TCERG1L: variants seen among roughly 807,000 people sequenced by gnomAD.
TCERG1L encodes the protein transcription elongation regulator 1-like protein.
TCERG1L carries 37 observed loss-of-function variants against 56.3 expected under a neutral mutation model. That is an observed-to-expected ratio of 0.66 (90% CI 0.51 to 0.87). The LOEUF (loss-of-function observed/expected upper bound fraction) is 0.87, where lower values mean the gene tolerates loss of function less well. Among genes scored for constraint, TCERG1L ranks in the 40% least tolerant of loss-of-function variants. TCERG1L has a pLI of 0.00. For synonymous variants in TCERG1L, 324 were observed against 326.3 expected (o/e 0.99, Z 0.08); for missense variants, 799 against 774.2 (o/e 1.03, Z -0.38).
At chr10:131,259,442 G>A (rs1846210175) in intron 4 of TCERG1L, among the ~76,000 whole-genome samples, 1 of 152,170 alleles carries the variant, frequency 6.6e-6, no homozygotes, top group Non-Finnish European at 1.5e-5. Flanking sequence ...AGTTGGCACT[G>A]TCATTCCAAA....
rs531819522 is a variant in TCERG1L at position 131,106,835 on chromosome 10, A to G, written c.1396-2481T>C. Among the ~76,000 whole-genome samples, 9 of 152,328 alleles carry G rather than the reference A, an allele frequency of 5.9e-5. No individual in the cohort carries two copies. In the South Asian group the frequency reaches 1.7e-3, roughly 28 times the overall value. Reference sequence around the variant, plus strand: ...ACATGCTTTATTTGTATATTATAAGAGATGAATTTTCTTCACTGGCAATTT... The same window carrying G: ...ACATGCTTTATTTGTATATTATAAGGGATGAATTTTCTTCACTGGCAATTT... On this transcript the variant is annotated intron_variant, in intron 9 of 11. Transcript: ENST00000368642.
In TCERG1L at chr10:131,267,303, G is replaced by T. The variant is rs1846297597; in HGVS notation, c.671-6859C>A. Among the ~76,000 whole-genome samples the T allele has an allele frequency of 2.0e-5, 3 of 152,196 alleles. No individual in the cohort carries two copies. Among genetic ancestry groups the T allele is most frequent in the African/African-American group, 7.2e-5 (3 of 41,454 alleles). On this transcript the variant is annotated intron_variant, in intron 3 of 11. Coordinates refer to ENST00000368642, the MANE Select transcript of TCERG1L (RefSeq NM_174937.4). This position sits in a 1 kb window ranked among gnomAD's most constrained non-coding sequence, Gnocchi z 4.9. ...TGGACTGCAACAGCACCCAGGCTTG[G>T]CCCCAACCCTACTCTAGGATCGGAG...
chr10:131,101,254 G>A (rs1442959659), intron 10 of TCERG1L, among the ~76,000 whole-genome samples: 1 of 152,210 alleles, frequency 6.6e-6, no homozygotes, highest in Non-Finnish European at 1.5e-5. Flanking sequence ...GACATCAGGG[G>A]ACCAGCGCTG....
At chr10:131,242,517 C>T (rs2133522565) in intron 4 of TCERG1L, among the ~76,000 whole-genome samples, 2 of 152,276 alleles carry the variant, frequency 1.3e-5, no homozygotes, top group Middle Eastern at 6.8e-3. Flanking sequence ...ATCACGGCAC[C>T]AGCGACTTTC....
chr10:131,114,592 A>G (rs1258925209), intron 9 of TCERG1L, among the ~76,000 whole-genome samples: 3 of 152,110 alleles, frequency 2.0e-5, no homozygotes, highest in Non-Finnish European at 4.4e-5. Context: ...ACCCACCCTA[A>G]ACGGGGTAAA....
rs1047367105 is a variant in TCERG1L, at chr10:131,311,075, G to A, written c.342+219C>T. 6.6e-6 allele frequency among the ~76,000 whole-genome samples: 1 copy of A among 152,116 alleles called. No individual in the cohort carries two copies. The highest frequency in any genetic ancestry group is 6.5e-5 in the Admixed American group (1 of 15,282). On this transcript the variant is annotated intron_variant, in intron 1 of 11. Transcript: ENST00000368642. The surrounding 1 kb of genome is among the most constrained non-coding windows in gnomAD (Gnocchi z 4.0). ...CCTCCACGGCTCCGTCCAGACACCC[G>A]GAGGCACCTGCCAAAGCTGCGGAGG...
chr10:131,203,258 G>C (rs561068455), intron 4 of TCERG1L, among the ~76,000 whole-genome samples: 1 of 139,268 alleles, frequency 7.2e-6, no homozygotes, highest in East Asian at 2.4e-4. Flanking sequence ...CCTCACTTAA[G>C]ACTTCCAGTA....
At chr10:131,227,216 G>A (rs1427365129) in intron 4 of TCERG1L, among the ~76,000 whole-genome samples, 1 of 152,232 alleles carries the variant, frequency 6.6e-6, no homozygotes, top group Admixed American at 6.5e-5. Flanking sequence ...AGGGCTGGCC[G>A]AAGCCCAACC....
intron 8 of TCERG1L, among the ~76,000 whole-genome samples, chr10:131,131,244 C>A (rs1018170344): frequency 1.3e-5 from 2 of 152,106 alleles, no homozygotes; most frequent in African/African-American, 4.8e-5. Flanking sequence ...TCAGCAGAGA[C>A]CACCACCCTG....
At chr10:131,264,802 A>T (rs1177781241) in intron 3 of TCERG1L, among the ~76,000 whole-genome samples, 1 of 152,190 alleles carries the variant, frequency 6.6e-6, no homozygotes. Flanking sequence ...CTCAGTTCCC[A>T]GGGAATTCCC....
chr10:131,189,804 C>T (rs1845286021), intron 4 of TCERG1L, among the ~76,000 whole-genome samples: 1 of 152,124 alleles, frequency 6.6e-6, no homozygotes, highest in Admixed American at 6.5e-5. Flanking sequence ...CAACAGCATA[C>T]AAGAGTTCCT....
At chr10:131,245,189 C>G (rs1179249957) in intron 4 of TCERG1L, among the ~76,000 whole-genome samples, 1 of 152,192 alleles carries the variant, frequency 6.6e-6, no homozygotes, top group Non-Finnish European at 1.5e-5. Flanking sequence ...GTGTGCAGAG[C>G]AGGGCACTGT....
intron 7 of TCERG1L, among the ~76,000 whole-genome samples, chr10:131,141,777 T>C (rs1589726647): frequency 2.0e-5 from 3 of 152,154 alleles, no homozygotes; most frequent in Admixed American, 2.0e-4. Context: ...TTCTAGCATC[T>C]CTCTTTCTCC....
intron 4 of TCERG1L, among the ~76,000 whole-genome samples, chr10:131,247,344 C>T (rs961994848): frequency 1.3e-5 from 2 of 152,180 alleles, no homozygotes; most frequent in Non-Finnish European, 2.9e-5. Context: ...CAAATTATAT[C>T]CTCGCCTTCC....
chr10:131,266,446 C>T (rs117151371), intron 3 of TCERG1L, among the ~76,000 whole-genome samples: 3,812 of 152,258 alleles, frequency 0.025, 64 homozygotes, highest in Non-Finnish European at 0.032. Context: ...TGACCAGGTG[C>T]GTTGTCAATG....
chr10:131,149,566 A>C (rs2133417842), intron 6 of TCERG1L, among the ~76,000 whole-genome samples: 1 of 152,364 alleles, frequency 6.6e-6, no homozygotes, highest in South Asian at 2.1e-4. Flanking sequence ...AGGGAACATA[A>C]GCCCAGGGTA....
chr10:131,223,628 TCACA>T lies in TCERG1L; in HGVS notation c.856+36627_856+36630del, dbSNP rs1015974367. Among the ~76,000 whole-genome samples the T allele has an allele frequency of 4.6e-5, 7 of 151,770 alleles. No homozygotes were observed. In the East Asian group the frequency reaches 1.4e-3, roughly 30 times the overall value. On this transcript the variant is annotated intron_variant, in intron 4 of 11. Transcript: ENST00000368642. ...CACATGCTCACACACACTGACATGC[TCACA>T]CACACTCATGCTCACACACATGCTC... is the stretch of plus-strand genomic sequence containing the variant.
chr10:131,309,157 C>T lies in TCERG1L; in HGVS notation c.485G>A (p.Cys162Tyr). ...KSWIDKRIPN[C>Y]KIFFNNSFAL... is the part of the protein sequence containing the mutation. ...TTAAATCACTTGCGTTTTTACCTTA[C>T]AGTTAGGAATCCTTTTGTCTATCCA... Residue 162 changes from cysteine to tyrosine, a missense_variant, in exon 2 of 12, where the codon TGT (cysteine) becomes TAT (tyrosine). Physicochemically the swap from Cys to Tyr is radical, Grantham distance 194. Transcript: ENST00000368642. 1 of 1,608,962 alleles carries T rather than the reference C, an allele frequency of 6.2e-7. No individual in the cohort carries two copies. Among genetic ancestry groups the T allele is most frequent in the Non-Finnish European group, 8.5e-7 (1 of 1,178,150 alleles).
At chr10:131,257,391 G>C (rs1245901411) in intron 4 of TCERG1L, among the ~76,000 whole-genome samples, 2 of 152,222 alleles carry the variant, frequency 1.3e-5, no homozygotes, top group African/African-American at 4.8e-5. Flanking sequence ...CTGGTCACGG[G>C]CTCTTTAAGT....
Sources: allele counts gnomAD v4.1 joint callset (sites outside exome capture counted in the v4.1 genomes callset), GRCh38; gene constraint gnomAD v4.1.1; non-coding constraint Gnocchi (gnomAD v3.1); transcripts MANE v1.5; gene names NCBI Gene and HGNC (gene_info 2026-07-23, HGNC 2026-07-21).